RIPOR2: variants seen among roughly 807,000 people sequenced by gnomAD.
RIPOR2 encodes the protein RHO family interacting cell polarization regulator 2.
RIPOR2 carries 39 observed loss-of-function variants against 114.5 expected under a neutral mutation model. That is an observed-to-expected ratio of 0.34 (90% CI 0.26 to 0.44). The LOEUF (loss-of-function observed/expected upper bound fraction) is 0.44, where lower values mean the gene tolerates loss of function less well. Among genes scored for constraint, RIPOR2 ranks in the 20% least tolerant of loss-of-function variants. The pLI is 1.00. For synonymous variants in RIPOR2, 445 were observed against 484.4 expected (o/e 0.92, Z 1.07); for missense variants, 1,007 against 1,255.1 (o/e 0.80, Z 2.99).
chr6:24,939,294 G>A (rs550453879), upstream of RIPOR2, among the ~76,000 whole-genome samples: 1 of 152,160 alleles, frequency 6.6e-6, no homozygotes. Context: ...TTTTAACAAA[G>A]TGCAATAAAC....
At chr6:25,005,737 A>ATATG (rs1411649380) in intron 1 of RIPOR2, among the ~76,000 whole-genome samples, 23 of 120,144 alleles carry the variant, frequency 1.9e-4, no homozygotes, top group Non-Finnish European at 3.8e-4. Context: ...ATATATATAT[A>ATATG]TATACATTTA....
chr6:24,867,238 G>A (rs897336025), intron 6 of RIPOR2, among the ~76,000 whole-genome samples: 1 of 152,216 alleles, frequency 6.6e-6, no homozygotes, highest in Non-Finnish European at 1.5e-5. Context: ...GACTCAAGGA[G>A]TGTCCTATCT....
intron 12 of RIPOR2, chr6:24,847,435 C>A: frequency 1.7e-6 from 2 of 1,184,118 alleles, no homozygotes; most frequent in Non-Finnish European, 2.4e-6. Context: ...CAGCTGTAAC[C>A]ATACCCAGTG....
intron 1 of RIPOR2, among the ~76,000 whole-genome samples, chr6:24,895,453 T>A (rs2113987907): frequency 9.7e-6 from 1 of 102,896 alleles, no homozygotes; most frequent in Non-Finnish European, 1.8e-5. Flanking sequence ...AAAAAAAAAA[T>A]CTTCTAGGGT....
intron 1 of RIPOR2, among the ~76,000 whole-genome samples, chr6:25,010,380 C>T (rs1775728141): frequency 6.6e-6 from 1 of 152,240 alleles, no homozygotes; most frequent in Admixed American, 6.5e-5. Flanking sequence ...TCACCTCCCG[C>T]CTTGAGTGGA....
intron 1 of RIPOR2, among the ~76,000 whole-genome samples, chr6:24,963,998 C>T (rs919804408): frequency 6.6e-6 from 1 of 152,092 alleles, no homozygotes. Context: ...ATCCTCCCCT[C>T]CTCCTGCCTC....
chr6:24,964,603 T>G (rs1220423232), intron 1 of RIPOR2, among the ~76,000 whole-genome samples: 1 of 152,260 alleles, frequency 6.6e-6, no homozygotes, highest in Non-Finnish European at 1.5e-5. Context: ...CATGGACATT[T>G]GTGTACAGGT....
intron 1 of RIPOR2, among the ~76,000 whole-genome samples, chr6:25,013,461 G>A (rs1373810050): frequency 6.6e-6 from 1 of 152,158 alleles, no homozygotes; most frequent in African/African-American, 2.4e-5. Flanking sequence ...CTGCCTGAAG[G>A]GGGAGCACCT....
At chr6:24,889,676 C>T (rs181513248) in intron 1 of RIPOR2, among the ~76,000 whole-genome samples, 3 of 151,848 alleles carry the variant, frequency 2.0e-5, no homozygotes, top group East Asian at 3.9e-4. Context: ...TTTAAAACAA[C>T]GTATGTCCCT....
chr6:24,914,926 C>T (rs1769951838), intron 1 of RIPOR2, among the ~76,000 whole-genome samples: 1 of 152,166 alleles, frequency 6.6e-6, no homozygotes, highest in South Asian at 2.1e-4. Flanking sequence ...TTTGGTTGTA[C>T]CTACCGACCC....
chr6:24,927,116 A>ACCACCAGCACCAC (rs1453614799), intron 1 of RIPOR2, among the ~76,000 whole-genome samples: 3,115 of 4,034 alleles, frequency 0.77, 1,538 homozygotes, highest in East Asian at 0.93. Flanking sequence ...CACCATGATT[A>ACCACCAGCACCAC]TTATAATCAT....
chr6:24,924,037 C>A (rs1187972466), intron 1 of RIPOR2, among the ~76,000 whole-genome samples: 1 of 152,070 alleles, frequency 6.6e-6, no homozygotes, highest in Non-Finnish European at 1.5e-5. Context: ...TTTGAAAAGG[C>A]TTTCTTGTTC....
chr6:24,940,063 G>A (rs1772039029), upstream of RIPOR2, among the ~76,000 whole-genome samples: 1 of 152,102 alleles, frequency 6.6e-6, no homozygotes, highest in South Asian at 2.1e-4. Context: ...CAGGTATGGT[G>A]TGAAATATTT....
intron 1 of RIPOR2, among the ~76,000 whole-genome samples, chr6:24,942,507 G>T (rs929803410): frequency 1.4e-4 from 22 of 152,140 alleles, no homozygotes; most frequent in African/African-American, 5.1e-4. Context: ...CACAATGGTT[G>T]AACTAGTTTA....
intron 1 of RIPOR2, among the ~76,000 whole-genome samples, chr6:24,963,006 A>T (rs1773371343): frequency 6.6e-6 from 1 of 152,156 alleles, no homozygotes; most frequent in Non-Finnish European, 1.5e-5. Context: ...TTGATTGGCT[A>T]CGCAAACCAC....
At chr6:24,867,548 A>G (rs1433119270) in intron 6 of RIPOR2, among the ~76,000 whole-genome samples, 1 of 152,152 alleles carries the variant, frequency 6.6e-6, no homozygotes, top group Non-Finnish European at 1.5e-5. Context: ...CCTTTCCCCT[A>G]CTAGTGGGTA....
chr6:24,827,850 A>C (rs1278815054), intron 18 of RIPOR2, among the ~76,000 whole-genome samples: 1 of 152,242 alleles, frequency 6.6e-6, no homozygotes, highest in Non-Finnish European at 1.5e-5. Flanking sequence ...CTAATGGCAA[A>C]TACATTACTG....
chr6:24,845,427 C>A (rs376721859), intron 12 of RIPOR2, among the ~76,000 whole-genome samples: 1 of 152,152 alleles, frequency 6.6e-6, no homozygotes, highest in Admixed American at 6.5e-5. Context: ...AACCCATGGG[C>A]CCTCCATGTG....
intron 4 of RIPOR2, among the ~76,000 whole-genome samples, chr6:24,872,279 G>T (rs1765253490): frequency 6.6e-6 from 1 of 152,092 alleles, no homozygotes; most frequent in Non-Finnish European, 1.5e-5. Context: ...TCTCATGGTG[G>T]TTACTCCTTT....
Sources: allele counts gnomAD v4.1 joint callset (sites outside exome capture counted in the v4.1 genomes callset), GRCh38; gene constraint gnomAD v4.1.1; transcripts MANE v1.5; gene names NCBI Gene and HGNC (gene_info 2026-07-23, HGNC 2026-07-21).